Variants in ABCA9 observed in about 807,000 individuals in gnomAD.
ABCA9 encodes ATP binding cassette subfamily A member 9.
In ABCA9, 183 loss-of-function variants were observed where a neutral mutation model predicts 205.3. The ratio of observed to expected loss-of-function variants is 0.89; its 90% CI spans 0.79 to 1.01. The LOEUF (loss-of-function observed/expected upper bound fraction) is 1.01. ABCA9 is among the 50% of genes least tolerant of loss of function. ABCA9 has a pLI of 0.00. For missense variants in ABCA9, 1,805 were observed against 1,912.4 expected (o/e 0.94, Z 1.05); for synonymous variants, 651 against 683.3 (o/e 0.95, Z 0.74).
intron 1 of ABCA9, among the ~76,000 whole-genome samples, chr17:69,053,080 G>C (rs1707455989): frequency 7.1e-6 from 1 of 140,402 alleles, no homozygotes; most frequent in Non-Finnish European, 1.5e-5. Flanking sequence ...CTTCAGTTAG[G>C]GCTTTTGTGG....
chr17:69,071,223 T>C, the ABCA9 span, among the ~76,000 whole-genome samples: 1 of 152,182 alleles, frequency 6.6e-6, no homozygotes, highest in Non-Finnish European at 1.5e-5. Context: ...GATCTCTCAG[T>C]ACAGTGCTTG....
chr17:69,035,630 A>G, intron 7 of ABCA9, 30 bp downstream of exon 7: 1 of 1,609,470 alleles, frequency 6.2e-7, no homozygotes, highest in East Asian at 2.2e-5. Flanking sequence ...GAAAGAGAAT[A>G]AAAGACTTAG....
In ABCA9 at chr17:69,018,492, C is replaced by T; in HGVS notation, c.2688G>A (p.Leu896=). The change falls in exon 20 of 39, where the codon CTG becomes CTA. Residue 896 remains leucine, a synonymous_variant. Coordinates refer to ENST00000340001, the MANE Select transcript of ABCA9 (RefSeq NM_080283.4). ...GTGAGAGGAAGTATGTATTTGGAGACAGTTCCCACGGGTAACTTTTCTGAT... is the reference window on the plus strand; with the variant it reads ...GTGAGAGGAAGTATGTATTTGGAGATAGTTCCCACGGGTAACTTTTCTGAT... ...ESYQKSYPWE[L]SPNTYFLSPG... 2 of 1,608,346 alleles carry T rather than the reference C, an allele frequency of 1.2e-6. No individual in the cohort carries two copies. Among genetic ancestry groups the T allele is most frequent in the Non-Finnish European group, 1.7e-6 (2 of 1,177,470 alleles).
At chr17:68,996,267 C>T (rs1265454818) in intron 25 of ABCA9, among the ~76,000 whole-genome samples, 1 of 152,192 alleles carries the variant, frequency 6.6e-6, no homozygotes, top group Admixed American at 6.5e-5. Flanking sequence ...GAGACTCTTG[C>T]TAAAATTTAG....
chr17:69,024,132 A>G, intron 17 of ABCA9, 82 bp downstream of exon 17: 1 of 1,470,248 alleles, frequency 6.8e-7, no homozygotes, highest in Non-Finnish European at 9.4e-7. Flanking sequence ...GCAAGCATTA[A>G]AACTAGCCAT....
At chr17:69,073,457 C>A in the ABCA9 span, among the ~76,000 whole-genome samples, 3 of 152,208 alleles carry the variant, frequency 2.0e-5, no homozygotes, top group East Asian at 5.8e-4. Context: ...TCACTCAAAA[C>A]TGCACAACTA....
In ABCA9 at chr17:69,049,352, C is replaced by T. The variant is rs1026706229; in HGVS notation, c.235G>A (p.Ala79Thr). The T allele has an allele frequency of 6.2e-6, 10 of 1,613,082 alleles. No individual in the cohort carries two copies. In the African/African-American group the frequency reaches 1.2e-4, roughly 19 times the overall value. Residue 79 changes from alanine to threonine, a missense_variant, in exon 3 of 39, where the codon GCA (alanine) becomes ACA (threonine). Physicochemically the swap from Ala to Thr is moderately conservative, Grantham distance 58. Transcript: ENST00000340001. The stretch of plus-strand genomic sequence containing the variant: ...GTAGTTTTGGATTCAGGTGCAAATG[C>T]AATAACATAATTAGTATCATTAAAA... ...DSFNDTNYVIAFAPESKTTQE... is the reference protein window; with the variant it reads ...DSFNDTNYVITFAPESKTTQE...
the ABCA9 span, among the ~76,000 whole-genome samples, chr17:69,071,613 T>C: frequency 6.6e-6 from 1 of 152,018 alleles, no homozygotes; most frequent in Admixed American, 6.5e-5. Context: ...AGACCAAAGG[T>C]AGATAAATCC....
At chr17:68,990,259 T>C (rs1189135987) in intron 29 of ABCA9, among the ~76,000 whole-genome samples, 3 of 152,234 alleles carry the variant, frequency 2.0e-5, no homozygotes, top group Non-Finnish European at 4.4e-5. Flanking sequence ...TGACTTGCAG[T>C]AAGCTTCACT....
At chr17:69,004,842 AG>A (rs1210888188) in intron 25 of ABCA9, 1 of 156,654 alleles carries the variant, frequency 6.4e-6, no homozygotes, top group African/African-American at 2.4e-5. Flanking sequence ...CCGTCGGAAA[AG>A]TGCAGTATTC....
intron 25 of ABCA9, among the ~76,000 whole-genome samples, chr17:68,999,040 AC>A (rs558519775): frequency 6.6e-6 from 1 of 152,010 alleles, no homozygotes; most frequent in Middle Eastern, 3.2e-3. Flanking sequence ...ATGTAGGTCT[AC>A]TGAGATCTTC....
At chr17:68,980,910 A>G (rs920957495) in intron 37 of ABCA9, among the ~76,000 whole-genome samples, 3 of 150,700 alleles carry the variant, frequency 2.0e-5, no homozygotes, top group Admixed American at 1.3e-4. Context: ...AACTTGAAGT[A>G]TAATAATATA....
intron 22 of ABCA9, 126 bp downstream of exon 22, chr17:69,016,122 ATACAC>A (rs1193851380): frequency 4.2e-4 from 36 of 85,450 alleles, no homozygotes; most frequent in Non-Finnish European, 1.1e-3. Flanking sequence ...ATATATATAT[ATACAC>A]ACACACACAC....
At position 69,010,318 on chromosome 17, in the gene ABCA9, C is replaced by T. The variant is rs957342156; in HGVS notation, c.3147+1658G>A. On this transcript the variant is annotated intron_variant, in intron 23 of 38. Coordinates refer to ENST00000340001, the MANE Select transcript of ABCA9 (RefSeq NM_080283.4). ...CTTGGCTGAAATACTTAAATATTTG[C>T]GCTGAGATCTGAATTACAAAAAAGC... Among the ~76,000 whole-genome samples, 11 of 151,970 alleles carry T rather than the reference C, an allele frequency of 7.2e-5. No individual in the cohort carries two copies. In the East Asian group the frequency reaches 7.7e-4, roughly 11 times the overall value.
chr17:68,989,336 G>A (rs532951081), intron 30 of ABCA9, among the ~76,000 whole-genome samples: 18 of 150,958 alleles, frequency 1.2e-4, no homozygotes, highest in African/African-American at 3.9e-4. Context: ...AGGTGAGGAA[G>A]CTAAGACTTA....
intron 25 of ABCA9, among the ~76,000 whole-genome samples, chr17:69,006,964 A>G (rs898227731): frequency 2.6e-5 from 4 of 152,208 alleles, no homozygotes. Context: ...AGAGCAGTGA[A>G]GTTGGGACAC....
chr17:69,058,795 C>A (rs980439934), intron 1 of ABCA9, among the ~76,000 whole-genome samples: 8 of 151,010 alleles, frequency 5.3e-5, no homozygotes, highest in Admixed American at 2.6e-4. Flanking sequence ...GCCGAGATTC[C>A]GCCACTGCAC....
At chr17:69,018,010 A>G in intron 20 of ABCA9, 1 of 486,586 alleles carries the variant, frequency 2.1e-6, no homozygotes, top group Non-Finnish European at 3.6e-6. Flanking sequence ...TATAATTTCT[A>G]TTAGTATAGA....
intron 22 of ABCA9, among the ~76,000 whole-genome samples, chr17:69,014,488 G>T (rs896156173): frequency 6.6e-6 from 1 of 152,130 alleles, no homozygotes; most frequent in African/African-American, 2.4e-5. Flanking sequence ...TCAGATAAGG[G>T]ATGCTCAATC....
Sources: gnomAD v4.1 joint callset for allele counts (sites outside exome capture counted in the v4.1 genomes callset) on GRCh38, gnomAD v4.1.1 for gene constraint, MANE v1.5 for transcripts, NCBI Gene and HGNC (gene_info 2026-07-23, HGNC 2026-07-21) for gene names.